The following FBP2 variants were observed in gnomAD, a reference collection of about 807,000 sequenced individuals.
FBP2 encodes fructose-1,6-bisphosphatase isozyme 2.
Under a neutral mutation model 31.6 loss-of-function variants are expected in FBP2, and 27 were observed. The observed-to-expected ratio is 0.85, with a 90% CI of 0.63 to 1.18. The LOEUF (loss-of-function observed/expected upper bound fraction) is 1.18, where lower values mean the gene tolerates loss of function less well. FBP2 is among the 50% of genes most tolerant of loss of function. The pLI, the probability that FBP2 is intolerant of heterozygous loss-of-function variation, is 0.00. For missense variants in FBP2, 421 were observed against 436.1 expected (o/e 0.97, Z 0.31); for synonymous variants, 168 against 179.8 (o/e 0.93, Z 0.53).
chr9:94,575,991 C>A (rs780828932), intron 3 of FBP2, among the ~76,000 whole-genome samples: 1 of 152,186 alleles, frequency 6.6e-6, no homozygotes, highest in Non-Finnish European at 1.5e-5. Flanking sequence ...ATACTCCCTG[C>A]ACATTTAGCT....
In FBP2 at chr9:94,571,611, G is replaced by C; in HGVS notation, c.427-9C>G. The stretch of plus-strand genomic sequence containing the variant: ...GGCTCATCCTCTGAGGTCTGTGGAA[G>C]AGAGGGATAAATGCCATGTGTTATT... On this transcript the variant is annotated splice_polypyrimidine_tract_variant and intron_variant, in intron 3 of 6. Transcript: ENST00000375337. The C allele has an allele frequency of 6.2e-7, 1 of 1,608,746 alleles. No homozygotes were observed. Among genetic ancestry groups the C allele is most frequent in the Non-Finnish European group, 8.5e-7 (1 of 1,177,210 alleles).
intron 5 of FBP2, among the ~76,000 whole-genome samples, chr9:94,565,756 AATAGATACATAGATGATAG>A (rs1372836791): frequency 9.9e-6 from 1 of 100,880 alleles, no homozygotes; most frequent in African/African-American, 3.3e-5. Context: ...ATAGATAGAA[AATAGATACATAGATGATAG>A]ATAGATAGAT....
In FBP2 at chr9:94,559,101, G is replaced by C. The variant is rs142354612; in HGVS notation, c.857C>G (p.Ala286Gly). 3 of 1,613,578 alleles carry C rather than the reference G, an allele frequency of 1.9e-6. No individual in the cohort carries two copies. In the African/African-American group the frequency reaches 4.0e-5, roughly 22 times the overall value. ...GCCTCCTGCCTGCTCAATGATGTAG[G>C]CCACGGGATTGCATTCATACAGGAG... is the stretch of plus-strand genomic sequence containing the variant. Reference protein sequence around the residue: ...LRLLYECNPVAYIIEQAGGLA... With the variant: ...LRLLYECNPVGYIIEQAGGLA... The change falls in exon 7 of 7, where the codon GCC (alanine) becomes GGC (glycine). Residue 286 changes from alanine to glycine, a missense_variant. Coordinates refer to ENST00000375337, the MANE Select transcript of FBP2 (RefSeq NM_003837.4).
At chr9:94,583,913 C>G (rs1827398318) in intron 3 of FBP2, among the ~76,000 whole-genome samples, 1 of 152,152 alleles carries the variant, frequency 6.6e-6, no homozygotes, top group South Asian at 2.1e-4. Context: ...GGCGAGGTTG[C>G]TATGGATTTT....
intron 3 of FBP2, among the ~76,000 whole-genome samples, chr9:94,583,765 A>G (rs1255032072): frequency 1.3e-5 from 2 of 152,052 alleles, no homozygotes; most frequent in African/African-American, 4.8e-5. Flanking sequence ...ACCCTGGCTA[A>G]TTTTTGTATT....
rs1396448624 is a variant in FBP2 at position 94,571,528 on chromosome 9, C to T, written c.501G>A (p.Leu167=). 3.7e-6 allele frequency: 6 copies of T among 1,614,048 alleles called. No individual in the cohort carries two copies. In the South Asian group the frequency reaches 5.5e-5, roughly 15 times the overall value. Residue 167 remains leucine (L), a synonymous_variant, in exon 4 of 7, where the codon CTG becomes CTA. Coordinates refer to ENST00000375337, the MANE Select transcript of FBP2 (RefSeq NM_003837.4). ...GRNIVAAGYA[L]YGSATLVALS... is the part of the protein sequence containing the mutation. ...GAGCCACCAGGGTTGCACTACCGTA[C>T]AGCGCATAACCTGCGGCCACAATAT...
intron 1 of FBP2, among the ~76,000 whole-genome samples, chr9:94,587,972 C>T (rs1475515146): frequency 6.6e-5 from 10 of 152,188 alleles, no homozygotes; most frequent in African/African-American, 2.2e-4. Flanking sequence ...CCTCAGCCTC[C>T]GGAGTAGCTG....
At chr9:94,586,465 A>G (rs1237171080) in intron 2 of FBP2, among the ~76,000 whole-genome samples, 1 of 152,218 alleles carries the variant, frequency 6.6e-6, no homozygotes, top group Admixed American at 6.5e-5. Context: ...GGCCAATAGG[A>G]GAAGACAATG....
In FBP2 at chr9:94,558,818, T is replaced by A. The variant is rs1260723289; in HGVS notation, c.*120A>T. ...TAAGCAGTTTGTTGTTGCTCTTCTG[T>A]ATGTGATTAAGTGGATTTACCTTTT... is the stretch of plus-strand genomic sequence containing the variant. On this transcript the variant is annotated 3_prime_UTR_variant, in exon 7 of 7. Transcript: ENST00000375337. 4.4e-6 allele frequency: 4 copies of A among 905,370 alleles called. No individual in the cohort carries two copies. The highest frequency in any genetic ancestry group is 7.0e-6 in the Non-Finnish European group (4 of 570,468). The allele number at this position is 905,370 out of a possible 1,614,324, so 56.1% of individuals were successfully genotyped here. A position where few individuals can be genotyped will look rare whatever the true frequency, so the allele number is the denominator to read the frequency against.
intron 5 of FBP2, among the ~76,000 whole-genome samples, chr9:94,564,130 G>T (rs1193107233): frequency 6.6e-6 from 1 of 152,134 alleles, no homozygotes; most frequent in Admixed American, 6.5e-5. Context: ...AGACCAAATG[G>T]ATCTGTTAGA....
intron 3 of FBP2, among the ~76,000 whole-genome samples, chr9:94,574,919 G>A (rs1483055115): frequency 6.6e-6 from 1 of 152,128 alleles, no homozygotes; most frequent in Non-Finnish European, 1.5e-5. Context: ...AAATTTTATA[G>A]TAGTTTGCAA....
In FBP2 at chr9:94,593,552, C is replaced by T. The variant is rs745464258; in HGVS notation, c.170+5G>A. ...TGTGCCCCATGCCTGCTCCCCAGGA[C>T]TCACAGGTGGGCCAGACCGGCCTTG... On this transcript the variant is annotated splice_donor_5th_base_variant and intron_variant, in intron 1 of 6. Coordinates refer to ENST00000375337, the MANE Select transcript of FBP2 (RefSeq NM_003837.4). The T allele has an allele frequency of 6.2e-7, 1 of 1,612,388 alleles. No homozygotes were observed. The highest frequency in any genetic ancestry group is 1.7e-5 in the Admixed American group (1 of 59,956).
chr9:94,588,758 A>G (rs1474912689), intron 1 of FBP2, among the ~76,000 whole-genome samples: 1 of 152,124 alleles, frequency 6.6e-6, no homozygotes, highest in Non-Finnish European at 1.5e-5. Flanking sequence ...TCTTACCCAG[A>G]GGCAAAATCC....
chr9:94,572,193 T>C (rs530418342), intron 3 of FBP2, among the ~76,000 whole-genome samples: 64 of 152,308 alleles, frequency 4.2e-4, no homozygotes, highest in African/African-American at 1.5e-3. Flanking sequence ...CCTTAAATGT[T>C]GGTGCTCCTT....
At chr9:94,561,350 G>GTTTTT (rs1463916724) in intron 6 of FBP2, among the ~76,000 whole-genome samples, 21 of 59,768 alleles carry the variant, frequency 3.5e-4, no homozygotes, top group Admixed American at 7.1e-4. Flanking sequence ...CATGTGACCT[G>GTTTTT]TATTTTTTTT....
chr9:94,584,727 T>C, intron 2 of FBP2, 58 bp from the exon 3 acceptor site: 2 of 1,055,232 alleles, frequency 1.9e-6, no homozygotes, highest in Non-Finnish European at 1.5e-6. Flanking sequence ...GCACAATTGC[T>C]CTGTGTCAGG....
chr9:94,562,852 T>C (rs145963940), intron 6 of FBP2, among the ~76,000 whole-genome samples: 1 of 152,342 alleles, frequency 6.6e-6, no homozygotes, highest in East Asian at 1.9e-4. Flanking sequence ...GAAGTTCTTA[T>C]TCTGAGGTTT....
chr9:94,587,859 T>G (rs774398750), intron 1 of FBP2, among the ~76,000 whole-genome samples: 2 of 151,980 alleles, frequency 1.3e-5, no homozygotes, highest in Non-Finnish European at 2.9e-5. Context: ...TTTTTTCCTT[T>G]TTTTTTTGAA....
Position 94,584,656 on chromosome 9 carries a change from A to T in FBP2, c.347T>A (p.Val116Asp). Residue 116 changes from valine (V) to aspartate (D), a missense_variant, in exon 3 of 7, where the codon GTC becomes GAC. Physicochemically the swap from Val to Asp is radical, Grantham distance 152 (BLOSUM62 -3). Transcript: ENST00000375337. ...AGATCCATCCAGTGGGTCAAAGCAG[A>T]CCACGTATTTCCCCTAAATCAGAGA... ...TAKEKRGKYVVCFDPLDGSSN... is the reference protein window; with the variant it reads ...TAKEKRGKYVDCFDPLDGSSN... 1 of 1,611,476 alleles carries T rather than the reference A, an allele frequency of 6.2e-7. No homozygotes were observed.
Sources: gnomAD v4.1 joint callset for allele counts (sites outside exome capture counted in the v4.1 genomes callset) on GRCh38, gnomAD v4.1.1 for gene constraint, MANE v1.5 for transcripts, NCBI Gene and HGNC (gene_info 2026-07-23, HGNC 2026-07-21) for gene names.